Variants in SRD5A2 observed in about 807,000 individuals in gnomAD.
SRD5A2 encodes steroid 5 alpha-reductase 2.
In SRD5A2, 30 loss-of-function variants were observed where a neutral mutation model predicts 27.4. The ratio of observed to expected loss-of-function variants is 1.10; its 90% CI spans 0.82 to 1.49. SRD5A2 has a LOEUF of 1.49. Among genes scored for constraint, SRD5A2 ranks in the 40% most tolerant of loss-of-function variants. SRD5A2 has a pLI of 0.00. For missense variants in SRD5A2, 348 were observed against 323.4 expected, an observed-to-expected ratio of 1.08 and a Z score of -0.58; for synonymous variants, 141 against 133.6, an observed-to-expected ratio of 1.06 and a Z score of -0.38.
the SRD5A2 span, among the ~76,000 whole-genome samples, chr2:31,635,682 T>C: frequency 6.6e-6 from 1 of 152,170 alleles, no homozygotes; most frequent in Non-Finnish European, 1.5e-5. Context: ...AGTAGTTTCA[T>C]AGTTTCAGAT....
intron 4 of SRD5A2, among the ~76,000 whole-genome samples, chr2:31,528,019 G>C (rs181020382): frequency 6.6e-6 from 1 of 152,216 alleles, no homozygotes; most frequent in Admixed American, 6.5e-5. Context: ...CACTTGGCAA[G>C]TTAAAGCCTG....
At chr2:31,600,535 G>A in the SRD5A2 span, among the ~76,000 whole-genome samples, 1 of 151,932 alleles carries the variant, frequency 6.6e-6, no homozygotes, top group African/African-American at 2.4e-5. Context: ...AATTCTGACT[G>A]GTGTGAGATG....
the SRD5A2 span, among the ~76,000 whole-genome samples, chr2:31,586,830 T>C: frequency 6.6e-5 from 10 of 152,024 alleles, no homozygotes; most frequent in Non-Finnish European, 1.0e-4. Flanking sequence ...CCAAAGAACA[T>C]TTACAAGTAT....
At chr2:31,660,253 T>C in the SRD5A2 span, among the ~76,000 whole-genome samples, 1 of 152,120 alleles carries the variant, frequency 6.6e-6, no homozygotes, top group South Asian at 2.1e-4. Context: ...CTTGACAATA[T>C]ATCCTGCAGG....
chr2:31,548,762 G>T (rs78845613), intron 1 of SRD5A2, among the ~76,000 whole-genome samples: 4,961 of 152,156 alleles, frequency 0.033, 258 homozygotes, highest in African/African-American at 0.11. Flanking sequence ...TGAAAACAGG[G>T]TCTTGAAGCA....
the SRD5A2 span, among the ~76,000 whole-genome samples, chr2:31,586,611 C>T: frequency 6.6e-6 from 1 of 152,190 alleles, no homozygotes; most frequent in East Asian, 1.9e-4. Context: ...CCTGGTAATC[C>T]AGAGAATTAT....
chr2:31,571,559 A>C (rs1269031407), intron 1 of SRD5A2, among the ~76,000 whole-genome samples: 1 of 152,226 alleles, frequency 6.6e-6, no homozygotes, highest in Non-Finnish European at 1.5e-5. Flanking sequence ...ACAGGAAAAA[A>C]AACTATCAAG....
chr2:31,649,355 T>C, the SRD5A2 span, among the ~76,000 whole-genome samples: 2 of 152,136 alleles, frequency 1.3e-5, no homozygotes, highest in Admixed American at 1.3e-4. Flanking sequence ...TCCTGACACA[T>C]TAGACAGGAC....
At chr2:31,585,539 A>G (rs1430000254), upstream of SRD5A2, among the ~76,000 whole-genome samples, 1 of 152,160 alleles carries the variant, frequency 6.6e-6, no homozygotes, top group Non-Finnish European at 1.5e-5. Flanking sequence ...TGACATTCCT[A>G]GAAACACCCT....
At chr2:31,587,726 A>C in the SRD5A2 span, among the ~76,000 whole-genome samples, 1 of 152,130 alleles carries the variant, frequency 6.6e-6, no homozygotes, top group Non-Finnish European at 1.5e-5. Context: ...GGAGGGGAAC[A>C]TTATACACCA....
the SRD5A2 span, among the ~76,000 whole-genome samples, chr2:31,634,610 T>C: frequency 1.3e-5 from 2 of 152,170 alleles, no homozygotes; most frequent in Admixed American, 1.3e-4. Context: ...TAATTTACTA[T>C]CTTTACCATT....
intron 1 of SRD5A2, among the ~76,000 whole-genome samples, chr2:31,579,776 C>A (rs1443267968): frequency 6.6e-6 from 1 of 152,240 alleles, no homozygotes; most frequent in Non-Finnish European, 1.5e-5. Context: ...TGAGACTTTA[C>A]TGAGGCTGGA....
the SRD5A2 span, among the ~76,000 whole-genome samples, chr2:31,630,277 T>C: frequency 2.7e-5 from 4 of 149,682 alleles, no homozygotes. Flanking sequence ...GCAAATTGAG[T>C]AAGTCAAGGA....
chr2:31,562,761 C>G (rs1330822400), intron 1 of SRD5A2, among the ~76,000 whole-genome samples: 2 of 152,088 alleles, frequency 1.3e-5, no homozygotes, highest in Non-Finnish European at 2.9e-5. Context: ...ATTAGAAGCT[C>G]AAACCTCAGC....
chr2:31,553,878 A>T (rs1360946103), intron 1 of SRD5A2, among the ~76,000 whole-genome samples: 1 of 152,172 alleles, frequency 6.6e-6, no homozygotes, highest in South Asian at 2.1e-4. Context: ...TGGCTGCTGT[A>T]ACAGGGGTTA....
chr2:31,581,072 T>G, upstream of SRD5A2: 1 of 673,384 alleles, frequency 1.5e-6, no homozygotes, highest in Non-Finnish European at 2.4e-6. Flanking sequence ...TTCGCAGCAA[T>G]ACCCCTTTCT....
At chr2:31,648,456 A>T in the SRD5A2 span, among the ~76,000 whole-genome samples, 1 of 152,164 alleles carries the variant, frequency 6.6e-6, no homozygotes, top group East Asian at 1.9e-4. Context: ...TGCCAATAAC[A>T]TGCAGTGTTG....
chr2:31,590,081 C>T, the SRD5A2 span, among the ~76,000 whole-genome samples: 1 of 152,128 alleles, frequency 6.6e-6, no homozygotes. Flanking sequence ...TAAGAACCAC[C>T]TCTCTGTCCT....
chr2:31,591,752 G>A, the SRD5A2 span, among the ~76,000 whole-genome samples: 10 of 48 alleles, frequency 0.21, no homozygotes, highest in East Asian at 0.5. Context: ...GAATAACTAC[G>A]CGCCATNAAA....
Sources: gnomAD v4.1 joint callset for allele counts (sites outside exome capture counted in the v4.1 genomes callset) on GRCh38, gnomAD v4.1.1 for gene constraint, MANE v1.5 for transcripts, NCBI Gene and HGNC (gene_info 2026-07-23, HGNC 2026-07-21) for gene names.